Variants in SEMA5A observed in about 807,000 individuals in gnomAD.
The protein encoded by SEMA5A is semaphorin-5A.
Under a neutral mutation model 135.5 loss-of-function variants are expected in SEMA5A, and 55 were observed. That is an observed-to-expected ratio of 0.41 (90% CI 0.33 to 0.51). SEMA5A has a LOEUF of 0.51. SEMA5A is among the 20% of genes least tolerant of loss of function. The pLI is 0.37. For missense variants in SEMA5A, 1,290 were observed against 1,419.9 expected (o/e 0.91, Z 1.47); for synonymous variants, 580 against 546.5 (o/e 1.06, Z -0.85).
chr5:9,488,015 T>C (rs996087140), intron 1 of SEMA5A, among the ~76,000 whole-genome samples: 1 of 152,210 alleles, frequency 6.6e-6, no homozygotes, highest in Admixed American at 6.5e-5. Context: ...TCCTTTTTTA[T>C]CCAGCTGTAT....
rs113373169 is a variant in SEMA5A at position 9,536,702 on chromosome 5, G to C, written c.-175+8882C>G. Among the ~76,000 whole-genome samples, 785 of 151,908 alleles carry C rather than the reference G, an allele frequency of 5.2e-3. 10 individuals carry two copies. Among genetic ancestry groups the C allele is most frequent in the African/African-American group, 0.018 (729 of 41,420 alleles). ...CCCAGACACCCTGTCCTGGGCAAAG[G>C]CTCAATAATATCTGGACAATGGACC... On this transcript the variant is annotated intron_variant, in intron 1 of 22. Transcript: ENST00000382496.
chr5:9,338,820 T>C (rs2150722382), intron 3 of SEMA5A, among the ~76,000 whole-genome samples: 1 of 152,270 alleles, frequency 6.6e-6, no homozygotes, highest in South Asian at 2.1e-4. Context: ...ATGTTTTTAA[T>C]GGGGGCATAT....
chr5:9,301,537 C>T (rs1251352238), intron 5 of SEMA5A, among the ~76,000 whole-genome samples: 3 of 152,096 alleles, frequency 2.0e-5, no homozygotes, highest in African/African-American at 4.8e-5. Flanking sequence ...GTTACAATGG[C>T]CTCTGTTGGG....
At chr5:9,188,760 A>G (rs1744938814) in intron 11 of SEMA5A, among the ~76,000 whole-genome samples, 1 of 97,708 alleles carries the variant, frequency 1.0e-5, no homozygotes, top group Admixed American at 1.1e-4. Flanking sequence ...ATGACAGAAT[A>G]AAGAGAAACA....
chr5:9,409,034 C>T (rs552874465), intron 2 of SEMA5A, among the ~76,000 whole-genome samples: 16 of 152,042 alleles, frequency 1.1e-4, no homozygotes, highest in Non-Finnish European at 2.2e-4. Flanking sequence ...GAAACTAAGA[C>T]CTGAGAAAGG....
At chr5:9,179,902 C>T (rs368317811) in intron 11 of SEMA5A, among the ~76,000 whole-genome samples, 1 of 152,066 alleles carries the variant, frequency 6.6e-6, no homozygotes, top group Admixed American at 6.5e-5. Flanking sequence ...CTTAAAGCAG[C>T]GGAAATGTAT....
At chr5:9,502,813 C>T (rs1561303060) in intron 1 of SEMA5A, among the ~76,000 whole-genome samples, 1 of 152,064 alleles carries the variant, frequency 6.6e-6, no homozygotes, top group Non-Finnish European at 1.5e-5. Context: ...CCAAAGGGTT[C>T]TAATTGGGGG....
chr5:9,045,267 A>T (rs542302190), intron 21 of SEMA5A, among the ~76,000 whole-genome samples: 11 of 152,232 alleles, frequency 7.2e-5, no homozygotes, highest in African/African-American at 2.4e-4. Context: ...TTATTCATGC[A>T]CCTCAATGGG....
At chr5:9,464,604 G>A (rs1400896075) in intron 1 of SEMA5A, among the ~76,000 whole-genome samples, 1 of 152,308 alleles carries the variant, frequency 6.6e-6, no homozygotes, top group African/African-American at 2.4e-5. Context: ...TTAAAATGGG[G>A]TTTTCCAATC....
At chr5:9,082,861 G>T (rs543415867) in intron 16 of SEMA5A, among the ~76,000 whole-genome samples, 100 of 152,218 alleles carry the variant, frequency 6.6e-4, no homozygotes, top group Non-Finnish European at 7.9e-4. Flanking sequence ...AATATCCACA[G>T]CAGGGTGCAT....
At chr5:9,472,063 G>T (rs1188328737) in intron 1 of SEMA5A, among the ~76,000 whole-genome samples, 4 of 152,186 alleles carry the variant, frequency 2.6e-5, no homozygotes, top group African/African-American at 9.7e-5. Flanking sequence ...TGTTACATAT[G>T]TATACATGTG....
At chr5:9,072,510 T>A (rs539023904) in intron 16 of SEMA5A, among the ~76,000 whole-genome samples, 1 of 152,084 alleles carries the variant, frequency 6.6e-6, no homozygotes, top group South Asian at 2.1e-4. Context: ...TAGGGAAAGA[T>A]CTGCCTGAAA....
intron 12 of SEMA5A, among the ~76,000 whole-genome samples, chr5:9,139,867 A>C (rs914410085): frequency 6.6e-6 from 1 of 151,918 alleles, no homozygotes; most frequent in African/African-American, 2.4e-5. Flanking sequence ...TAGAAACATC[A>C]CTCCCCCGAT....
intron 16 of SEMA5A, among the ~76,000 whole-genome samples, chr5:9,083,051 G>A (rs1738475933): frequency 6.6e-6 from 1 of 152,132 alleles, no homozygotes; most frequent in African/African-American, 2.4e-5. Context: ...AAGATTTACT[G>A]CTCTAAAAGA....
At chr5:9,275,344 C>G (rs958697946) in intron 5 of SEMA5A, among the ~76,000 whole-genome samples, 38 of 152,228 alleles carry the variant, frequency 2.5e-4, no homozygotes, top group African/African-American at 8.4e-4. Flanking sequence ...CAATTAATAA[C>G]CTACCAACCA....
chr5:9,278,274 A>G (rs1750367311), intron 5 of SEMA5A, among the ~76,000 whole-genome samples: 1 of 152,096 alleles, frequency 6.6e-6, no homozygotes, highest in African/African-American at 2.4e-5. Context: ...CTTGAGAGAG[A>G]TTACTTAGGG....
intron 10 of SEMA5A, among the ~76,000 whole-genome samples, chr5:9,194,438 CA>C: frequency 6.6e-6 from 1 of 152,148 alleles, no homozygotes; most frequent in Non-Finnish European, 1.5e-5. Flanking sequence ...GTAGGAAAAA[CA>C]AGAATTTAAA....
chr5:9,208,810 C>A (rs545794667), intron 8 of SEMA5A, among the ~76,000 whole-genome samples: 1 of 152,222 alleles, frequency 6.6e-6, no homozygotes, highest in East Asian at 1.9e-4. Context: ...CTTATCACTC[C>A]GTTTCCTGGG....
intron 10 of SEMA5A, among the ~76,000 whole-genome samples, chr5:9,194,790 A>G (rs1745300678): frequency 6.6e-6 from 1 of 152,208 alleles, no homozygotes; most frequent in Non-Finnish European, 1.5e-5. Flanking sequence ...ATTATGCTAC[A>G]TGGACTGGCT....
Sources: gnomAD v4.1 joint callset for allele counts (sites outside exome capture counted in the v4.1 genomes callset) on GRCh38, gnomAD v4.1.1 for gene constraint, MANE v1.5 for transcripts, NCBI Gene and HGNC (gene_info 2026-07-23, HGNC 2026-07-21) for gene names.